Variants in REEP1 observed in about 807,000 individuals in gnomAD.
REEP1 encodes the protein receptor expression-enhancing protein 1.
REEP1 carries 22 observed loss-of-function variants against 40.3 expected under a neutral mutation model. That is an observed-to-expected ratio of 0.55 (90% confidence interval 0.39 to 0.78). The LOEUF is 0.78. Among genes scored for constraint, REEP1 ranks in the 30% least tolerant of loss-of-function variants. The pLI is 0.00. For synonymous variants in REEP1, 116 were observed against 139.2 expected (o/e 0.83, Z 1.17); for missense variants, 280 against 361.1 (o/e 0.78, Z 1.82).
intron 8 of REEP1, among the ~76,000 whole-genome samples, chr2:86,218,983 G>A (rs184832545): frequency 1.3e-5 from 2 of 152,322 alleles, no homozygotes; most frequent in Admixed American, 1.3e-4. Flanking sequence ...TGGGGAATAG[G>A]AGAGGAGACC....
chr2:86,221,200 G>A (rs939199093), intron 7 of REEP1, among the ~76,000 whole-genome samples: 2 of 152,020 alleles, frequency 1.3e-5, no homozygotes, highest in African/African-American at 2.4e-5. Context: ...ACCACCAGGC[G>A]TGGAGTAAAA....
intron 6 of REEP1, among the ~76,000 whole-genome samples, chr2:86,228,197 T>C (rs913157961): frequency 6.6e-6 from 1 of 152,192 alleles, no homozygotes; most frequent in African/African-American, 2.4e-5. Flanking sequence ...GTGTCCTCAC[T>C]GCACATACAG....
At chr2:86,275,978 C>T (rs1274488488) in intron 2 of REEP1, among the ~76,000 whole-genome samples, 18 of 152,198 alleles carry the variant, frequency 1.2e-4, no homozygotes, top group African/African-American at 4.1e-4. Context: ...TTATGCTCAC[C>T]AACAGGTCCC....
At chr2:86,217,684 T>TTTTTTTTTTCC in intron 8 of REEP1, among the ~76,000 whole-genome samples, 1 of 127,866 alleles carries the variant, frequency 7.8e-6, no homozygotes, top group East Asian at 2.9e-4. Context: ...TTTTTTTTTT[T>TTTTTTTTTTCC]CAGATTTTGG....
At chr2:86,249,254 C>T (rs1241884796) in intron 5 of REEP1, among the ~76,000 whole-genome samples, 1 of 136,748 alleles carries the variant, frequency 7.3e-6, no homozygotes, top group Non-Finnish European at 1.7e-5. Context: ...AGCAAGACTA[C>T]ATCTCAAAAA....
chr2:86,284,348 CTG>C (rs10625351), intron 1 of REEP1, among the ~76,000 whole-genome samples: 1 of 151,982 alleles, frequency 6.6e-6, no homozygotes, highest in African/African-American at 2.4e-5. Flanking sequence ...TCCCACAAGA[CTG>C]TGTTCCACAA....
intron 2 of REEP1, among the ~76,000 whole-genome samples, chr2:86,276,245 C>T (rs1364835036): frequency 2.0e-5 from 3 of 152,248 alleles, no homozygotes; most frequent in Admixed American, 6.5e-5. Context: ...TACCATATCA[C>T]AAGGCACCAG....
chr2:86,331,695 T>C (rs544397667), intron 1 of REEP1, among the ~76,000 whole-genome samples: 5 of 152,030 alleles, frequency 3.3e-5, no homozygotes, highest in South Asian at 2.1e-4. Flanking sequence ...GAGGGAGAGA[T>C]AGGATGTCAG....
At chr2:86,304,012 T>TG (rs1001146770) in intron 1 of REEP1, among the ~76,000 whole-genome samples, 1 of 152,058 alleles carries the variant, frequency 6.6e-6, no homozygotes, top group African/African-American at 2.4e-5. Context: ...TAGCACAGGG[T>TG]GCGACACTTG....
In REEP1 at chr2:86,252,026, A is replaced by T. The variant is rs377426129; in HGVS notation, c.348T>A (p.Asp116Glu). ...CCCGCTTCCCGAAGTGCACAAGGGC[A>T]TCGTAACTTCGGTCTTTTGCTTGGA... ...CLVQAKDRSY[D>E]ALVHFGKRGL... Residue 116 changes from aspartate (D) to glutamate (E), a missense_variant, in exon 5 of 9, where the codon GAT (aspartate) becomes GAA (glutamate). Asp to Glu is a conservative substitution (Grantham distance 45). Transcript: ENST00000538924. 4.3e-6 allele frequency: 7 copies of T among 1,614,156 alleles called. No individual in the cohort carries two copies. The highest frequency in any genetic ancestry group is 5.9e-6 in the Non-Finnish European group (7 of 1,180,016).
chr2:86,296,439 T>C (rs1678987231), intron 1 of REEP1, among the ~76,000 whole-genome samples: 1 of 152,250 alleles, frequency 6.6e-6, no homozygotes, highest in African/African-American at 2.4e-5. Context: ...AAACCATGGA[T>C]GCTCCAACTT....
intron 1 of REEP1, among the ~76,000 whole-genome samples, chr2:86,302,884 ACCCTTCAT>A (rs1274762311): frequency 2.6e-5 from 4 of 151,952 alleles, no homozygotes; most frequent in African/African-American, 9.7e-5. Flanking sequence ...GTAGCATTTG[ACCCTTCAT>A]CCATGACAGA....
intron 8 of REEP1, among the ~76,000 whole-genome samples, chr2:86,219,451 C>CTTT (rs11350191): frequency 1.2e-4 from 15 of 129,960 alleles, no homozygotes; most frequent in South Asian, 2.5e-4. Flanking sequence ...TTTTTCTTTT[C>CTTT]TTTTTTTTTT....
intron 1 of REEP1, among the ~76,000 whole-genome samples, chr2:86,320,894 C>T (rs776393535): frequency 1.3e-5 from 2 of 152,216 alleles, no homozygotes; most frequent in African/African-American, 4.8e-5. Flanking sequence ...TCTCGGCTCA[C>T]GGCAACCTCC....
At chr2:86,326,009 T>C (rs1251512493) in intron 1 of REEP1, among the ~76,000 whole-genome samples, 2 of 152,210 alleles carry the variant, frequency 1.3e-5, no homozygotes, top group Non-Finnish European at 2.9e-5. Flanking sequence ...GTTTAATTCC[T>C]TCATATGTGA....
chr2:86,302,362 C>T (rs571395053), intron 1 of REEP1, among the ~76,000 whole-genome samples: 2 of 152,188 alleles, frequency 1.3e-5, no homozygotes, highest in Non-Finnish European at 2.9e-5. Flanking sequence ...ATTGGTGCTT[C>T]GGTTTTTTGC....
At chr2:86,271,495 G>A (rs1038494902) in intron 2 of REEP1, among the ~76,000 whole-genome samples, 1 of 152,082 alleles carries the variant, frequency 6.6e-6, no homozygotes, top group Non-Finnish European at 1.5e-5. Flanking sequence ...CATCTTTAAA[G>A]TGCTAAAAGG....
chr2:86,316,548 C>CAAAAAAAA (rs58561932), intron 1 of REEP1, among the ~76,000 whole-genome samples: 1 of 70,450 alleles, frequency 1.4e-5, no homozygotes. Flanking sequence ...AACTCTGTCT[C>CAAAAAAAA]AAAAAAAAAA....
At chr2:86,231,350 A>C (rs1192598610) in intron 6 of REEP1, among the ~76,000 whole-genome samples, 1 of 152,180 alleles carries the variant, frequency 6.6e-6, no homozygotes, top group Non-Finnish European at 1.5e-5. Context: ...AACATCTCCC[A>C]ACAGAAAAGC....
Sources: allele counts gnomAD v4.1 joint callset (sites outside exome capture counted in the v4.1 genomes callset), GRCh38; gene constraint gnomAD v4.1.1; transcripts MANE v1.5; gene names NCBI Gene and HGNC (gene_info 2026-07-23, HGNC 2026-07-21).